Variants in BAZ1A observed in about 807,000 individuals in gnomAD.
BAZ1A encodes bromodomain adjacent to zinc finger domain protein 1A.
BAZ1A carries 50 observed loss-of-function variants against 185.2 expected under a neutral mutation model. The ratio of observed to expected loss-of-function variants is 0.27; its 90% CI spans 0.22 to 0.34. The LOEUF is 0.34. Ranked by LOEUF, BAZ1A falls within the 10% of genes least tolerant of loss-of-function variation. The pLI is 1.00. For synonymous variants in BAZ1A, 571 were observed against 615.6 expected (o/e 0.93, Z 1.07); for missense variants, 1,356 against 1,839.9 (o/e 0.74, Z 4.81).
chr14:34,871,843 C>G (rs1398817289), intron 2 of BAZ1A, among the ~76,000 whole-genome samples: 1 of 152,196 alleles, frequency 6.6e-6, no homozygotes, highest in Non-Finnish European at 1.5e-5. Context: ...TGCACTCCAG[C>G]CTGGGCGACA....
intron 17 of BAZ1A, among the ~76,000 whole-genome samples, chr14:34,779,847 C>T (rs1292776310): frequency 2.0e-5 from 3 of 151,940 alleles, no homozygotes; most frequent in Admixed American, 6.6e-5. Context: ...TTCTATTTGG[C>T]CCAAAAAAGT....
chr14:34,819,552 TTC>T (rs1315521182), intron 4 of BAZ1A, among the ~76,000 whole-genome samples: 1 of 152,234 alleles, frequency 6.6e-6, no homozygotes, highest in East Asian at 1.9e-4. Flanking sequence ...GCATTTAAAT[TTC>T]TTTTAGTACA....
At chr14:34,770,693 G>T (rs969404260) in intron 21 of BAZ1A, among the ~76,000 whole-genome samples, 2 of 152,100 alleles carry the variant, frequency 1.3e-5, no homozygotes, top group Admixed American at 6.5e-5. Flanking sequence ...TGGTTAGGAG[G>T]TTCCTAGATT....
Position 34,874,965 on chromosome 14 carries a change from C to G in BAZ1A, c.-59+173G>C, listed in dbSNP as rs1028724592. 2 of 150,506 alleles carry G rather than the reference C, an allele frequency of 1.3e-5. No individual in the cohort carries two copies. Among genetic ancestry groups the G allele is most frequent in the African/African-American group, 2.4e-5 (1 of 41,020 alleles). 9.3% of individuals were successfully genotyped at this position (150,506 alleles called of 1,614,324 possible). A position where few individuals can be genotyped will look rare whatever the true frequency, so the allele number is the denominator to read the frequency against. ...GCGGCCCCCTCCCCCAGCGCCGGCT[C>G]CTCGCCCGCCGCCGCCGCCAGGCTC... On this transcript the variant is annotated intron_variant, in intron 1 of 26. Coordinates refer to ENST00000360310, the MANE Select transcript of BAZ1A (RefSeq NM_013448.3). This position sits in a 1 kb window ranked among gnomAD's most constrained non-coding sequence, Gnocchi z 4.7.
chr14:34,758,871 A>G (rs1444065169), intron 24 of BAZ1A, 25 bp from the exon 25 acceptor site: 1 of 1,607,922 alleles, frequency 6.2e-7, no homozygotes, highest in Admixed American at 1.7e-5. Context: ...ACAACATTTT[A>G]GGTGATAACA....
intron 14 of BAZ1A, 56 bp from the exon 15 acceptor site, chr14:34,783,983 T>G: frequency 6.9e-7 from 1 of 1,456,824 alleles, no homozygotes; most frequent in Non-Finnish European, 9.2e-7. Context: ...TGAACTGTGT[T>G]TGAACTTTTT....
chr14:34,770,766 C>T (rs1017924778), intron 21 of BAZ1A, among the ~76,000 whole-genome samples: 2 of 152,112 alleles, frequency 1.3e-5, no homozygotes, highest in Non-Finnish European at 2.9e-5. Flanking sequence ...TATATTATTC[C>T]TCACTATAAA....
chr14:34,809,270 A>C (rs2041894596), intron 5 of BAZ1A, among the ~76,000 whole-genome samples: 1 of 152,182 alleles, frequency 6.6e-6, no homozygotes, highest in Non-Finnish European at 1.5e-5. Context: ...ACTCTGCTAC[A>C]TCTCTGCAAG....
chr14:34,866,502 A>AAAAAAAAAAAAAAAAAAAAAAAAAAG, intron 2 of BAZ1A, among the ~76,000 whole-genome samples: 1 of 79,538 alleles, frequency 1.3e-5, no homozygotes, highest in Non-Finnish European at 2.8e-5. Flanking sequence ...AAAAAAAAAA[A>AAAAAAAAAAAAAAAAAAAAAAAAAAG]GAAAAAAGTT....
chr14:34,833,515 G>A (rs372935539), intron 3 of BAZ1A, among the ~76,000 whole-genome samples: 2 of 152,126 alleles, frequency 1.3e-5, no homozygotes, highest in Admixed American at 1.3e-4. Flanking sequence ...GCGACAGAGC[G>A]AGACTCCATC....
At chr14:34,757,319 C>T (rs565811556) in intron 25 of BAZ1A, among the ~76,000 whole-genome samples, 4 of 143,730 alleles carry the variant, frequency 2.8e-5, no homozygotes, top group South Asian at 2.2e-4. Context: ...GAGCTGAGAT[C>T]GCGCCATTGC....
At chr14:34,863,252 C>T (rs1291599074) in intron 2 of BAZ1A, among the ~76,000 whole-genome samples, 2 of 148,898 alleles carry the variant, frequency 1.3e-5, no homozygotes, top group East Asian at 4.0e-4. Flanking sequence ...ACAACCTCTG[C>T]CTCCCAGGTT....
chr14:34,801,638 G>A (rs1260271911), intron 7 of BAZ1A, among the ~76,000 whole-genome samples: 6 of 152,204 alleles, frequency 3.9e-5, no homozygotes, highest in Non-Finnish European at 8.8e-5. Flanking sequence ...GCCGGGCACA[G>A]TGGCTCATGC....
intron 21 of BAZ1A, among the ~76,000 whole-genome samples, chr14:34,766,611 G>A (rs945564857): frequency 2.0e-5 from 3 of 152,120 alleles, no homozygotes; most frequent in African/African-American, 4.8e-5. Context: ...CCTAGACTTC[G>A]GCGTTGGTTA....
intron 17 of BAZ1A, among the ~76,000 whole-genome samples, chr14:34,777,702 C>A (rs1414366914): frequency 2.0e-5 from 3 of 148,368 alleles, no homozygotes; most frequent in African/African-American, 7.5e-5. Flanking sequence ...TATACAAAAA[C>A]AGGGCAGGGC....
intron 3 of BAZ1A, among the ~76,000 whole-genome samples, chr14:34,859,398 C>T (rs2042733102): frequency 6.8e-6 from 1 of 147,576 alleles, no homozygotes; most frequent in Admixed American, 6.8e-5. Context: ...TGTACCACTG[C>T]ACAGTCTGGG....
chr14:34,801,785 G>A (rs982137444), intron 7 of BAZ1A, among the ~76,000 whole-genome samples: 1 of 151,730 alleles, frequency 6.6e-6, no homozygotes, highest in African/African-American at 2.4e-5. Flanking sequence ...GGCATGCACC[G>A]GCAGCCCCAG....
chr14:34,794,362 C>T (rs1294492399), intron 11 of BAZ1A, among the ~76,000 whole-genome samples: 1 of 152,190 alleles, frequency 6.6e-6, no homozygotes, highest in African/African-American at 2.4e-5. Flanking sequence ...CCATATACCA[C>T]TCCCTGCTCA....
At chr14:34,774,242 T>TAA (rs1452971027) in intron 19 of BAZ1A, 85 bp downstream of exon 19, 1 of 1,107,106 alleles carries the variant, frequency 9.0e-7, no homozygotes, top group African/African-American at 1.6e-5. Context: ...CACATATGCC[T>TAA]TGTCTATGCC....
Sources: gnomAD v4.1 joint callset for allele counts (sites outside exome capture counted in the v4.1 genomes callset) on GRCh38, gnomAD v4.1.1 for gene constraint, Gnocchi (gnomAD v3.1) non-coding constraint, MANE v1.5 for transcripts, NCBI Gene and HGNC (gene_info 2026-07-23, HGNC 2026-07-21) for gene names.